ROBO1: variants seen among roughly 807,000 people sequenced by gnomAD.
ROBO1 encodes roundabout homolog 1.
ROBO1 carries 149 observed loss-of-function variants against 195.9 expected under a neutral mutation model. That is an observed-to-expected ratio of 0.76 (90% CI 0.67 to 0.87). ROBO1 has a LOEUF of 0.87. Ranked by LOEUF, ROBO1 falls within the 40% of genes least tolerant of loss-of-function variation. The pLI is 0.00. For missense variants in ROBO1, 1,933 were observed against 2,068.3 expected, an observed-to-expected ratio of 0.93 and a Z score of 1.27; for synonymous variants, 816 against 733.2, an observed-to-expected ratio of 1.11 and a Z score of -1.82.
chr3:79,012,461 C>A (rs2077805880), intron 3 of ROBO1, among the ~76,000 whole-genome samples: 1 of 152,182 alleles, frequency 6.6e-6, no homozygotes, highest in Admixed American at 6.5e-5. Flanking sequence ...TACCTTCTAT[C>A]CACTTTCCCC....
At chr3:79,740,902 G>T (rs926272753) in intron 1 of ROBO1, among the ~76,000 whole-genome samples, 1 of 152,148 alleles carries the variant, frequency 6.6e-6, no homozygotes, top group Admixed American at 6.5e-5. Context: ...TAAAATAATT[G>T]CTAGATAGAT....
rs566440077 is a variant in ROBO1 at position 78,833,520 on chromosome 3, A to G, written c.500-86620T>C. 3.3e-5 allele frequency among the ~76,000 whole-genome samples: 5 copies of G among 152,256 alleles called. No homozygotes were observed. The South Asian group carries it at 1.0e-3, about 32-fold the overall frequency. On this transcript the variant is annotated intron_variant, in intron 4 of 30. Transcript: ENST00000464233. ...TGAAAATATATTTAATTGTACTAAA[A>G]TAATTAGGATATATCAAACTTTCAA...
intron 1 of ROBO1, among the ~76,000 whole-genome samples, chr3:79,632,243 G>A (rs1945367310): frequency 2.0e-5 from 3 of 152,016 alleles, no homozygotes; most frequent in African/African-American, 7.2e-5. Flanking sequence ...GTGTCTACCA[G>A]CAATTGATTG....
At chr3:79,524,896 T>C (rs1386994980) in intron 2 of ROBO1, among the ~76,000 whole-genome samples, 2 of 152,048 alleles carry the variant, frequency 1.3e-5, no homozygotes, top group Non-Finnish European at 2.9e-5. Context: ...AGTTGAAAAT[T>C]ATATGTGTGT....
chr3:79,165,216 A>G lies in ROBO1; in HGVS notation c.89-39677T>C, dbSNP rs1157449820. Among the ~76,000 whole-genome samples, 5 of 152,318 alleles carry G rather than the reference A, an allele frequency of 3.3e-5. No homozygotes were observed. In the East Asian group the frequency reaches 9.6e-4, roughly 29 times the overall value. On this transcript the variant is annotated intron_variant, in intron 2 of 30. Transcript: ENST00000464233. ...TCATTCACGCTAACAGTGGAGCTCA[A>G]TAACTTTATTAGAGTCAGCATGTTT...
intron 2 of ROBO1, among the ~76,000 whole-genome samples, chr3:79,354,432 C>T (rs2035465486): frequency 6.6e-6 from 1 of 152,188 alleles, no homozygotes; most frequent in Non-Finnish European, 1.5e-5. Context: ...ATGCCAACTT[C>T]TCTCATACCA....
At chr3:78,834,937 A>G (rs1171749637) in intron 4 of ROBO1, among the ~76,000 whole-genome samples, 4 of 152,206 alleles carry the variant, frequency 2.6e-5, no homozygotes, top group Admixed American at 2.0e-4. Flanking sequence ...TGCTTATATA[A>G]TGACATGAAA....
intron 4 of ROBO1, among the ~76,000 whole-genome samples, chr3:78,769,617 G>GTTTTTT (rs1559836189): frequency 1.2e-4 from 9 of 72,918 alleles, no homozygotes; most frequent in East Asian, 3.5e-4. Context: ...AGTGTACTTT[G>GTTTTTT]GTTTTTTTTT....
chr3:78,839,310 AATGTAATGATGTATAATAATGTATG>A (rs1355520439), intron 4 of ROBO1, among the ~76,000 whole-genome samples: 20 of 152,042 alleles, frequency 1.3e-4, no homozygotes, highest in African/African-American at 4.6e-4. Flanking sequence ...AATGATGTAT[AATGTAATGATGTATAATAATGTATG>A]ATGTAATGAT....
At chr3:79,454,672 A>G (rs1319863625) in intron 2 of ROBO1, among the ~76,000 whole-genome samples, 1 of 152,114 alleles carries the variant, frequency 6.6e-6, no homozygotes, top group African/African-American at 2.4e-5. Flanking sequence ...CTCTGTGGAT[A>G]CTTTTTTCTT....
chr3:79,178,397 C>T (rs1336669732), intron 2 of ROBO1, among the ~76,000 whole-genome samples: 2 of 152,040 alleles, frequency 1.3e-5, no homozygotes, highest in Non-Finnish European at 2.9e-5. Flanking sequence ...TAAACATCCG[C>T]ATAAGGAAAT....
intron 8 of ROBO1, among the ~76,000 whole-genome samples, chr3:78,702,037 T>C (rs1195102778): frequency 1.3e-5 from 2 of 152,228 alleles, no homozygotes; most frequent in Non-Finnish European, 2.9e-5. Flanking sequence ...GAACTTCTAA[T>C]TTATACAAAA....
At chr3:78,925,008 C>T (rs192134781) in intron 4 of ROBO1, among the ~76,000 whole-genome samples, 1,570 of 151,640 alleles carry the variant, frequency 0.01, 11 homozygotes, top group Non-Finnish European at 0.015. Context: ...AATCTAAATT[C>T]CAAATTATTT....
intron 2 of ROBO1, among the ~76,000 whole-genome samples, chr3:79,219,780 C>G (rs2082107183): frequency 6.6e-6 from 1 of 152,030 alleles, no homozygotes; most frequent in Non-Finnish European, 1.5e-5. Context: ...TACTTTCAAT[C>G]TTGACATGAA....
At chr3:78,763,158 A>G (rs1474992304) in intron 4 of ROBO1, among the ~76,000 whole-genome samples, 3 of 152,200 alleles carry the variant, frequency 2.0e-5, no homozygotes, top group African/African-American at 7.2e-5. Flanking sequence ...AAGACCGGCA[A>G]TTAAAATATC....
chr3:79,503,843 A>C (rs1940248496), intron 2 of ROBO1, among the ~76,000 whole-genome samples: 1 of 152,318 alleles, frequency 6.6e-6, no homozygotes, highest in African/African-American at 2.4e-5. Context: ...AATCCGTTCA[A>C]CAAAGACTCC....
At chr3:79,565,135 T>C (rs1463301156) in intron 2 of ROBO1, among the ~76,000 whole-genome samples, 3 of 152,102 alleles carry the variant, frequency 2.0e-5, no homozygotes, top group African/African-American at 4.8e-5. Flanking sequence ...ATAAAGATAA[T>C]GGCTTAGAAT....
At chr3:78,684,880 C>T (rs557577353) in intron 10 of ROBO1, among the ~76,000 whole-genome samples, 4 of 152,032 alleles carry the variant, frequency 2.6e-5, no homozygotes, top group Admixed American at 1.3e-4. Context: ...TTCTTTTATT[C>T]GTGTTCCATT....
chr3:78,656,260 T>C (rs1707005692), intron 18 of ROBO1, among the ~76,000 whole-genome samples: 1 of 152,060 alleles, frequency 6.6e-6, no homozygotes, highest in African/African-American at 2.4e-5. Flanking sequence ...CAATTTTAAA[T>C]AGACACTACC....
Sources: gnomAD v4.1 joint callset for allele counts (sites outside exome capture counted in the v4.1 genomes callset) on GRCh38, gnomAD v4.1.1 for gene constraint, MANE v1.5 for transcripts, NCBI Gene and HGNC (gene_info 2026-07-23, HGNC 2026-07-21) for gene names.